HDAC9: variants seen among roughly 807,000 people sequenced by gnomAD.
HDAC9 encodes MEF-2 interacting transcription repressor (MITR) protein.
A neutral mutation model predicts 139.4 loss-of-function variants in HDAC9; 41 were observed. The observed-to-expected ratio is 0.29, with a 90% CI of 0.23 to 0.38. The LOEUF is 0.38. HDAC9 is among the 10% of genes least tolerant of loss of function. HDAC9 has a pLI of 1.00. For missense variants in HDAC9, 1,147 were observed against 1,297.0 expected (o/e 0.88, Z 1.78); for synonymous variants, 517 against 476.2 (o/e 1.09, Z -1.12).
intron 14 of HDAC9, among the ~76,000 whole-genome samples, chr7:18,749,391 A>G (rs1239813839): frequency 1.3e-5 from 2 of 152,206 alleles, no homozygotes; most frequent in African/African-American, 4.8e-5. Context: ...ATTATTACAT[A>G]TACATGGTAG....
intron 2 of HDAC9, among the ~76,000 whole-genome samples, chr7:18,188,478 C>G (rs933431876): frequency 3.9e-5 from 6 of 152,252 alleles, no homozygotes; most frequent in African/African-American, 1.2e-4. Context: ...GCAATTGCAA[C>G]AAAAGCCAAA....
chr7:18,373,416 G>C (rs1376223035), intron 1 of HDAC9, among the ~76,000 whole-genome samples: 4 of 152,110 alleles, frequency 2.6e-5, no homozygotes, highest in Non-Finnish European at 4.4e-5. Flanking sequence ...CTGTAAAACA[G>C]GGGATAATAA....
intron 23 of HDAC9, among the ~76,000 whole-genome samples, chr7:18,940,035 C>T (rs958646017): frequency 6.6e-6 from 1 of 152,052 alleles, no homozygotes; most frequent in African/African-American, 2.4e-5. Context: ...CTATTTCTTT[C>T]CCTTGTTGTT....
intron 21 of HDAC9, among the ~76,000 whole-genome samples, chr7:18,844,309 G>A (rs1374063340): frequency 6.6e-6 from 1 of 152,034 alleles, no homozygotes; most frequent in African/African-American, 2.4e-5. Context: ...AGCTTCTAGT[G>A]GGAAAGACTT....
At chr7:18,541,984 G>T (rs1813123631) in intron 2 of HDAC9, among the ~76,000 whole-genome samples, 1 of 151,980 alleles carries the variant, frequency 6.6e-6, no homozygotes, top group Non-Finnish European at 1.5e-5. Flanking sequence ...TTTTGGACTG[G>T]CCAGTTCTTT....
At chr7:18,627,753 C>T (rs889745022) in intron 6 of HDAC9, among the ~76,000 whole-genome samples, 51 of 152,036 alleles carry the variant, frequency 3.4e-4, no homozygotes, top group African/African-American at 1.2e-3. Context: ...GTGCTCACCC[C>T]TGATCTCTGC....
At chr7:18,593,177 T>C (rs991818382) in intron 5 of HDAC9, among the ~76,000 whole-genome samples, 2 of 152,084 alleles carry the variant, frequency 1.3e-5, no homozygotes, top group African/African-American at 2.4e-5. Context: ...TAAATAATAC[T>C]GGTAGAACAA....
In HDAC9 at chr7:18,593,057, A is replaced by G. The variant is rs979321859; in HGVS notation, c.543-851A>G. Among the ~76,000 whole-genome samples, 4 of 152,266 alleles carry G rather than the reference A, an allele frequency of 2.6e-5. No individual in the cohort carries two copies. The East Asian group carries it at 7.7e-4, about 29-fold the overall frequency. On this transcript the variant is annotated intron_variant, in intron 5 of 25. Transcript: ENST00000686413. ...GAACTTCAGTAGAGTCCAACTGCAG[A>G]TAACCACAAACGATTAATTTATAGA...
chr7:18,199,133 T>C (rs1476433968), intron 2 of HDAC9, among the ~76,000 whole-genome samples: 1 of 152,154 alleles, frequency 6.6e-6, no homozygotes, highest in Non-Finnish European at 1.5e-5. Flanking sequence ...GCTTCTTTAT[T>C]GAGGACAACT....
At chr7:18,231,229 T>C (rs1793439628) in intron 2 of HDAC9, among the ~76,000 whole-genome samples, 1 of 152,210 alleles carries the variant, frequency 6.6e-6, no homozygotes, top group Non-Finnish European at 1.5e-5. Flanking sequence ...TGTGCATTCT[T>C]CCCCAATCAT....
chr7:18,615,066 A>T (rs1234121180), intron 6 of HDAC9, among the ~76,000 whole-genome samples: 1 of 152,202 alleles, frequency 6.6e-6, no homozygotes, highest in Non-Finnish European at 1.5e-5. Flanking sequence ...GGTTTTCCTC[A>T]GTGTCTTATT....
intron 25 of HDAC9, among the ~76,000 whole-genome samples, chr7:18,977,468 T>C (rs1419245526): frequency 1.3e-5 from 2 of 152,200 alleles, no homozygotes; most frequent in Non-Finnish European, 2.9e-5. Context: ...CTTAGAATAA[T>C]TAACAATAAT....
chr7:18,204,224 T>C (rs1054492246), intron 2 of HDAC9, among the ~76,000 whole-genome samples: 1 of 152,056 alleles, frequency 6.6e-6, no homozygotes, highest in Non-Finnish European at 1.5e-5. Context: ...TCAGGAGTGG[T>C]TGTTTGATAA....
intron 21 of HDAC9, among the ~76,000 whole-genome samples, chr7:18,850,081 T>TAAAAAAAAAAA (rs11327408): frequency 2.4e-5 from 2 of 82,312 alleles, no homozygotes; most frequent in Non-Finnish European, 2.6e-5. Flanking sequence ...AAAGCCTGAG[T>TAAAAAAAAAAA]AAAAAAAAAA....
intron 2 of HDAC9, among the ~76,000 whole-genome samples, chr7:18,163,848 A>G (rs1269150114): frequency 6.6e-6 from 1 of 152,192 alleles, no homozygotes; most frequent in Non-Finnish European, 1.5e-5. Context: ...ACTGTGGTCA[A>G]GTATTTTTTT....
At chr7:18,115,135 C>CA (rs536382299) in intron 1 of HDAC9, among the ~76,000 whole-genome samples, 25 of 151,392 alleles carry the variant, frequency 1.7e-4, no homozygotes, top group Non-Finnish European at 2.7e-4. Context: ...ACTAAAAATG[C>CA]AAAAAAAATT....
chr7:18,504,423 G>C (rs1799199126), intron 2 of HDAC9, among the ~76,000 whole-genome samples: 1 of 152,126 alleles, frequency 6.6e-6, no homozygotes, highest in Non-Finnish European at 1.5e-5. Context: ...TCCTGCCTCA[G>C]CCTCCCAAGT....
intron 2 of HDAC9, among the ~76,000 whole-genome samples, chr7:18,178,557 C>T (rs1789143419): frequency 6.6e-6 from 1 of 152,176 alleles, no homozygotes; most frequent in African/African-American, 2.4e-5. Flanking sequence ...CACCCTCTTT[C>T]CTTTTAGTAA....
At chr7:18,144,041 T>C (rs1786108993) in intron 1 of HDAC9, among the ~76,000 whole-genome samples, 1 of 152,148 alleles carries the variant, frequency 6.6e-6, no homozygotes, top group Non-Finnish European at 1.5e-5. Context: ...TATCTACATG[T>C]CACACCTGGT....
Sources: gnomAD v4.1 joint callset for allele counts (sites outside exome capture counted in the v4.1 genomes callset) on GRCh38, gnomAD v4.1.1 for gene constraint, MANE v1.5 for transcripts, NCBI Gene and HGNC (gene_info 2026-07-23, HGNC 2026-07-21) for gene names.